The following DIP2A variants were observed in gnomAD, a reference collection of about 807,000 sequenced individuals.
DIP2A encodes the protein DIP2 acetate--CoA ligase A.
Under a neutral mutation model 177.4 loss-of-function variants are expected in DIP2A, and 85 were observed. The ratio of observed to expected loss-of-function variants is 0.48; its 90% CI spans 0.40 to 0.57. The LOEUF (loss-of-function observed/expected upper bound fraction) is 0.57. Among genes scored for constraint, DIP2A ranks in the 20% least tolerant of loss-of-function variants. The probability of loss-of-function intolerance (pLI) is 0.00; values close to 1 mark genes in which losing one functional copy is unlikely to be tolerated. For synonymous variants in DIP2A, 886 were observed against 881.8 expected, an observed-to-expected ratio of 1.00 and a Z score of -0.08; for missense variants, 1,791 against 2,100.2, an observed-to-expected ratio of 0.85 and a Z score of 2.88.
At chr21:46,473,464 A>G (rs1368214722) in intron 1 of DIP2A, among the ~76,000 whole-genome samples, 2 of 139,928 alleles carry the variant, frequency 1.4e-5, no homozygotes, top group Non-Finnish European at 3.1e-5. Flanking sequence ...CAGGGAAAAA[A>G]AAAGGGGGGG....
At chr21:46,552,932 C>G (rs1305669989) in intron 25 of DIP2A, 1 of 152,240 alleles carries the variant, frequency 6.6e-6, no homozygotes, top group African/African-American at 2.4e-5. Context: ...AGTGATGTAA[C>G]CTGGAGTGCT....
chr21:46,529,061 T>C, intron 8 of DIP2A, 31 bp from the exon 9 acceptor site: 1 of 1,343,644 alleles, frequency 7.4e-7, no homozygotes, highest in South Asian at 1.5e-5. Context: ...TCTTAAATTT[T>C]ACATTGCTTA....
intron 7 of DIP2A, among the ~76,000 whole-genome samples, chr21:46,510,922 C>T (rs538089369): frequency 6.6e-6 from 1 of 152,254 alleles, no homozygotes; most frequent in South Asian, 2.1e-4. Flanking sequence ...CATGAGCCAC[C>T]ACGCCCAGCC....
chr21:46,495,244 TTCTCTC>T (rs371550332), intron 3 of DIP2A, among the ~76,000 whole-genome samples: 18 of 38,212 alleles, frequency 4.7e-4, no homozygotes, highest in East Asian at 9.8e-4. Context: ...CTTCTCTTCT[TTCTCTC>T]TCTCTCTCTC....
intron 31 of DIP2A, 60 bp from the exon 32 acceptor site, chr21:46,558,163 C>T: frequency 1.3e-6 from 2 of 1,529,972 alleles, no homozygotes; most frequent in Non-Finnish European, 1.8e-6. Flanking sequence ...AAAACAGTGC[C>T]CAGGGCCCTG....
intron 5 of DIP2A, among the ~76,000 whole-genome samples, chr21:46,502,145 A>AT (rs981849421): frequency 2.6e-5 from 4 of 151,962 alleles, no homozygotes; most frequent in Non-Finnish European, 4.4e-5. Context: ...TTATTTATTT[A>AT]TTTTTTTGGA....
At chr21:46,499,238 CT>C (rs1266933664) in intron 5 of DIP2A, among the ~76,000 whole-genome samples, 1 of 152,136 alleles carries the variant, frequency 6.6e-6, no homozygotes, top group Non-Finnish European at 1.5e-5. Context: ...AGTCCTAGTC[CT>C]TTGGGGCATG....
At chr21:46,472,404 C>CT (rs2055470743) in intron 1 of DIP2A, among the ~76,000 whole-genome samples, 1 of 152,222 alleles carries the variant, frequency 6.6e-6, no homozygotes, top group Non-Finnish European at 1.5e-5. Context: ...ATTCAACAGA[C>CT]TGAGTGCCAG....
Position 46,563,901 on chromosome 21 carries a change from A to C in DIP2A, c.4133A>C (p.Lys1378Thr), listed in dbSNP as rs766609097. ...GTCATCATCGCACACACCGAGACCA[A>C]AGGACCCTTGGGAGACTCACACCTG... ...VKVIIAHTET[K>T]GPLGDSHLGE... The change falls in exon 35 of 38, where the codon AAA becomes ACA. Residue 1378 changes from lysine to threonine, a missense_variant. Lys to Thr is a moderately conservative substitution (Grantham distance 78, BLOSUM62 -1). Transcript: ENST00000417564. This position sits in a 1 kb window ranked among gnomAD's most constrained non-coding sequence, Gnocchi z 4.3. The C allele has an allele frequency of 1.6e-5, 26 of 1,613,400 alleles. No homozygotes were observed. The highest frequency in any genetic ancestry group is 4.0e-5 in the African/African-American group (3 of 74,808).
intron 1 of DIP2A, among the ~76,000 whole-genome samples, chr21:46,470,490 G>A (rs2055262426): frequency 6.7e-6 from 1 of 148,718 alleles, no homozygotes; most frequent in Non-Finnish European, 1.5e-5. Context: ...AAAAAAGGGG[G>A]GGCCAGGCAC....
chr21:46,551,833 C>T lies in DIP2A; in HGVS notation c.2959C>T (p.Leu987=). The T allele has an allele frequency of 6.2e-7, 1 of 1,612,738 alleles. No individual in the cohort carries two copies. Among genetic ancestry groups the T allele is most frequent in the Non-Finnish European group, 8.5e-7 (1 of 1,179,368 alleles). ...DSDQARKFLF[L]ADVLQWRAHT... The stretch of plus-strand genomic sequence containing the variant: ...TCGCCCTCTCGTGCAGTTCCTGTTC[C>T]TGGCTGACGTGCTGCAGTGGCGTGC... Residue 987 remains leucine, a synonymous_variant, in exon 25 of 38, where the codon CTG becomes TTG. Coordinates refer to ENST00000417564, the MANE Select transcript of DIP2A (RefSeq NM_015151.4).
rs939315792 is a variant in DIP2A, at chr21:46,563,175, G to C, written c.4090-683G>C. On this transcript the variant is annotated intron_variant, in intron 34 of 37. Coordinates refer to ENST00000417564, the MANE Select transcript of DIP2A (RefSeq NM_015151.4). The surrounding 1 kb of genome is among the most constrained non-coding windows in gnomAD (Gnocchi z 4.3). ...GTCCCACTCCGCCGGGGAGGGTCTG[G>C]CGGTAACCGTAGCTCACACCTCCCT... is the stretch of plus-strand genomic sequence containing the variant. Among the ~76,000 whole-genome samples the C allele has an allele frequency of 6.6e-6, 1 of 152,136 alleles. No individual in the cohort carries two copies. The highest frequency in any genetic ancestry group is 1.5e-5 in the Non-Finnish European group (1 of 68,024).
Position 46,551,646 on chromosome 21 carries a change from C to G in DIP2A, c.2852C>G (p.Ala951Gly). ...PRQKQPEVGP[A>G]SMIVGNLVAG... ...CCCCCGTTTCTAGAGGTTGGACCAG[C>G]CTCAATGATCGTGGGGAACCTGGTT... Residue 951 changes from alanine (A) to glycine (G), a missense_variant, in exon 24 of 38, where the codon GCC becomes GGC. Physicochemically the swap from Ala to Gly is moderately conservative, Grantham distance 60 (BLOSUM62 0). Coordinates refer to ENST00000417564, the MANE Select transcript of DIP2A (RefSeq NM_015151.4). 6.2e-7 allele frequency: 1 copy of G among 1,613,944 alleles called. No individual in the cohort carries two copies. The highest frequency in any genetic ancestry group is 1.1e-5 in the South Asian group (1 of 91,062).
In DIP2A at chr21:46,504,327, C is replaced by A. The variant is rs1173271774; in HGVS notation, c.656-34C>A. 5 of 1,611,668 alleles carry A rather than the reference C, an allele frequency of 3.1e-6. No individual in the cohort carries two copies. In the South Asian group the frequency reaches 4.4e-5, roughly 14 times the overall value. On this transcript the variant is annotated intron_variant, in intron 5 of 37. Transcript: ENST00000417564. ...GCTTAATACTCATTTGACTTAACAG[C>A]CACTTTCATTTTGGGTGTGTTTTTC...
chr21:46,515,544 T>C (rs1436064116), intron 8 of DIP2A, among the ~76,000 whole-genome samples: 1 of 152,116 alleles, frequency 6.6e-6, no homozygotes, highest in Non-Finnish European at 1.5e-5. Context: ...TGTGTATTTA[T>C]TTATTTTTTT....
chr21:46,557,070 G>A lies in DIP2A; in HGVS notation c.3629+1G>A. 1 of 1,605,630 alleles carries A rather than the reference G, an allele frequency of 6.2e-7. No homozygotes were observed. Among genetic ancestry groups the A allele is most frequent in the Non-Finnish European group, 8.5e-7 (1 of 1,176,344 alleles). On this transcript the variant is annotated splice_donor_variant, in intron 30 of 37. Transcript: ENST00000417564. LOFTEE classifies it high-confidence loss of function. This position sits in a 1 kb window ranked among gnomAD's most constrained non-coding sequence, Gnocchi z 6.0. The stretch of plus-strand genomic sequence containing the variant: ...GTTTTGCCCTGTGGTGTCTGTGCAG[G>A]TGAGTGCAGGGCCCCTGCTGCCTGC...
chr21:46,529,986 T>C (rs2059287760), intron 9 of DIP2A, among the ~76,000 whole-genome samples: 1 of 152,142 alleles, frequency 6.6e-6, no homozygotes, highest in Non-Finnish European at 1.5e-5. Flanking sequence ...TTAAATAAAA[T>C]AAAAAATTTA....
Position 46,557,207 on chromosome 21 carries a change from G to A in DIP2A, c.3629+138G>A, listed in dbSNP as rs1004633629. On this transcript the variant is annotated intron_variant, in intron 30 of 37. Coordinates refer to ENST00000417564, the MANE Select transcript of DIP2A (RefSeq NM_015151.4). The surrounding 1 kb of genome is among the most constrained non-coding windows in gnomAD (Gnocchi z 6.0). The stretch of plus-strand genomic sequence containing the variant: ...GTGAGTGGGTTTGTTTGGGGATGAA[G>A]TGGGTTGGAGTCTGAGTCTGAAATT... 1.9e-5 allele frequency: 19 copies of A among 978,564 alleles called. No homozygotes were observed. The highest frequency in any genetic ancestry group is 1.6e-4 in the South Asian group (9 of 55,608). The allele number at this position is 978,564 out of a possible 1,614,324, so 60.6% of individuals were successfully genotyped here. A position where few individuals can be genotyped will look rare whatever the true frequency, so the allele number is the denominator to read the frequency against.
Position 46,549,804 on chromosome 21 carries a change from C to T in DIP2A, c.2556C>T (p.Asp852=), listed in dbSNP as rs376729838. Residue 852 remains aspartate, a synonymous_variant, in exon 22 of 38, where the codon GAC becomes GAT. Transcript: ENST00000417564. The part of the protein sequence containing the change: ...IAVFSVTVLH[D]DRIVLVAEQR... ...TGTTCTCTGTGACCGTGCTGCACGA[C>T]GACCGGATTGTCCTGGTGGCTGAGC... 7.6e-5 allele frequency: 123 copies of T among 1,613,770 alleles called. No individual in the cohort carries two copies. The highest frequency in any genetic ancestry group is 2.5e-4 in the East Asian group (11 of 44,888).
Sources: allele counts gnomAD v4.1 joint callset (sites outside exome capture counted in the v4.1 genomes callset), GRCh38; gene constraint gnomAD v4.1.1; non-coding constraint Gnocchi (gnomAD v3.1); transcripts MANE v1.5; gene names NCBI Gene and HGNC (gene_info 2026-07-23, HGNC 2026-07-21).